The following ZBTB46 variants were observed in gnomAD, a reference collection of about 807,000 sequenced individuals.
ZBTB46 encodes zinc finger and BTB domain-containing protein 46.
Under a neutral mutation model 44.1 loss-of-function variants are expected in ZBTB46, and 8 were observed. The observed-to-expected ratio is 0.18, with a 90% CI of 0.11 to 0.33. The LOEUF is 0.33. Among genes scored for constraint, ZBTB46 ranks in the 10% least tolerant of loss-of-function variants. ZBTB46 has a pLI of 1.00. For missense variants in ZBTB46, 651 were observed against 847.7 expected, an observed-to-expected ratio of 0.77 and a Z score of 2.88; for synonymous variants, 409 against 382.3, an observed-to-expected ratio of 1.07 and a Z score of -0.81.
rs2092529718 is a variant in ZBTB46, at chr20:63,787,983, C to G, written c.937+1838G>C. 1 of 152,326 alleles carries G rather than the reference C, an allele frequency of 6.6e-6. No homozygotes were observed. Among genetic ancestry groups the G allele is most frequent in the Admixed American group, 6.5e-5 (1 of 15,286 alleles). The allele number at this position is 152,326 out of a possible 1,614,324, so 9.4% of individuals were successfully genotyped here. A position where few individuals can be genotyped will look rare whatever the true frequency, so the allele number is the denominator to read the frequency against. ...CACACACGGCATCTGCGACATTTTT[C>G]AGGGCCTCCCACCCTGCGGCTTGCT... On this transcript the variant is annotated intron_variant, in intron 2 of 4. Coordinates refer to ENST00000245663, the MANE Select transcript of ZBTB46 (RefSeq NM_001369741.1). The surrounding 1 kb of genome is among the most constrained non-coding windows in gnomAD (Gnocchi z 4.6).
At chr20:63,800,141 C>T (rs1426424283) in intron 1 of ZBTB46, among the ~76,000 whole-genome samples, 1 of 152,152 alleles carries the variant, frequency 6.6e-6, no homozygotes, top group Non-Finnish European at 1.5e-5. Flanking sequence ...GTCCCGGCCT[C>T]GGCACCCTGG....
intron 1 of ZBTB46, among the ~76,000 whole-genome samples, chr20:63,800,754 C>T (rs1374181819): frequency 3.3e-5 from 5 of 152,352 alleles, no homozygotes; most frequent in Middle Eastern, 3.4e-3. Flanking sequence ...GATTTCTCGC[C>T]GGCCCTAGCT....
chr20:63,793,491 C>T (rs1206074001), intron 1 of ZBTB46, among the ~76,000 whole-genome samples: 4 of 152,160 alleles, frequency 2.6e-5, no homozygotes, highest in African/African-American at 4.8e-5. Context: ...CTCCGGGCCA[C>T]GTGATGGGAA....
In ZBTB46 at chr20:63,803,294, G is replaced by A; in HGVS notation, c.-33-12504C>T. 3.0e-6 allele frequency: 3 copies of A among 984,292 alleles called. No individual in the cohort carries two copies. The highest frequency in any genetic ancestry group is 3.6e-6 in the Non-Finnish European group (3 of 828,856). 61.0% of individuals were successfully genotyped at this position (984,292 alleles called of 1,614,324 possible). On this transcript the variant is annotated intron_variant, in intron 1 of 4. Transcript: ENST00000245663. The surrounding 1 kb of genome is among the most constrained non-coding windows in gnomAD (Gnocchi z 4.0). ...AAATTAAGGTTAAGACATGAATACT[G>A]TGAAACTGTCGTACAAATTAAATTT... is the stretch of plus-strand genomic sequence containing the variant.
intron 1 of ZBTB46, chr20:63,808,092 C>CTTCCCACA (rs1601516432): frequency 2.0e-5 from 3 of 152,782 alleles, no homozygotes; most frequent in African/African-American, 7.3e-5. Flanking sequence ...CTGAACGGAC[C>CTTCCCACA]GACGGAGGTG....
Position 63,805,514 on chromosome 20 carries a change from G to A in ZBTB46, c.-33-14724C>T, listed in dbSNP as rs144907854. ...GAGGAGAGAAGGTCATGTGACCACA[G>A]GCAGAAACTGGAGTGACAAAGTCAC... On this transcript the variant is annotated intron_variant, in intron 1 of 4. Coordinates refer to ENST00000245663, the MANE Select transcript of ZBTB46 (RefSeq NM_001369741.1). 3.5e-3 allele frequency among the ~76,000 whole-genome samples: 533 copies of A among 152,234 alleles called. 1 individual carries two copies. Among genetic ancestry groups the A allele is most frequent in the Non-Finnish European group, 5.9e-3 (400 of 68,002 alleles).
chr20:63,750,961 A>G (rs117873573), intron 4 of ZBTB46, among the ~76,000 whole-genome samples: 5 of 152,288 alleles, frequency 3.3e-5, no homozygotes, highest in African/African-American at 4.8e-5. Context: ...AGGCAGCCAC[A>G]CTGAACCTCA....
Position 63,790,135 on chromosome 20 carries a change from G to A in ZBTB46, c.623C>T (p.Pro208Leu), listed in dbSNP as rs1310696637. 5.6e-6 allele frequency: 9 copies of A among 1,613,884 alleles called. No individual in the cohort carries two copies. The highest frequency in any genetic ancestry group is 1.3e-5 in the African/African-American group (1 of 74,952). ...TAGAGGCTGTGAAGAAACATCATCA[G>A]GGCCATCGGCCTTGGGCTCCTGATC... ...KEDQEPKADG[P>L]DDVSSQPLWP... The change falls in exon 2 of 5, where the codon CCT becomes CTT. Residue 208 changes from proline (P) to leucine (L), a missense_variant. Pro to Leu is a moderately conservative substitution (Grantham distance 98). Transcript: ENST00000245663.
intron 3 of ZBTB46, among the ~76,000 whole-genome samples, chr20:63,772,723 AC>A (rs2092385552): frequency 1.6e-4 from 1 of 6,366 alleles, no homozygotes; most frequent in African/African-American, 9.3e-4. Flanking sequence ...TGTCTCAAAA[AC>A]ACACACACAC....
In ZBTB46 at chr20:63,767,728, A is replaced by G. The variant is rs1051138798; in HGVS notation, c.1222+7950T>C. On this transcript the variant is annotated intron_variant, in intron 3 of 4. Coordinates refer to ENST00000245663, the MANE Select transcript of ZBTB46 (RefSeq NM_001369741.1). The surrounding 1 kb of genome is among the most constrained non-coding windows in gnomAD (Gnocchi z 5.0). ...TGTCACTTGCTTCACAGAGCTCCTT[A>G]GCTGGCCTCAGGGTAAAGCTGTCAG... Among the ~76,000 whole-genome samples the G allele has an allele frequency of 1.3e-5, 2 of 152,244 alleles. No homozygotes were observed. The highest frequency in any genetic ancestry group is 4.8e-5 in the African/African-American group (2 of 41,458).
chr20:63,827,697 T>C (rs944226684), intron 1 of ZBTB46, among the ~76,000 whole-genome samples: 2 of 152,150 alleles, frequency 1.3e-5, no homozygotes, highest in African/African-American at 4.8e-5. Context: ...CAACTTTCTA[T>C]TGTAAAATAG....
At chr20:63,792,417 T>C (rs1479331450) in intron 1 of ZBTB46, among the ~76,000 whole-genome samples, 1 of 125,600 alleles carries the variant, frequency 8.0e-6, no homozygotes, top group African/African-American at 3.4e-5. Context: ...GCAGCCCTCA[T>C]GGGGGACGGG....
intron 1 of ZBTB46, among the ~76,000 whole-genome samples, chr20:63,802,817 G>A (rs1356427217): frequency 6.8e-6 from 1 of 147,546 alleles, no homozygotes; most frequent in Admixed American, 6.8e-5. Flanking sequence ...CAGGCCCCCA[G>A]CACCCTCCCA....
intron 2 of ZBTB46, among the ~76,000 whole-genome samples, chr20:63,788,656 T>C (rs2092535044): frequency 6.6e-6 from 1 of 151,784 alleles, no homozygotes; most frequent in Non-Finnish European, 1.5e-5. Context: ...CTGGCCAACA[T>C]GGTGAAACCC....
chr20:63,811,816 A>G (rs761867013), intron 1 of ZBTB46, among the ~76,000 whole-genome samples: 3 of 152,238 alleles, frequency 2.0e-5, no homozygotes, highest in Non-Finnish European at 4.4e-5. Flanking sequence ...ACTCTGCCAT[A>G]AGACAAAATG....
rs1394234309 is a variant in ZBTB46, at chr20:63,824,631, G to A, written c.-34+6466C>T. 5.2e-5 allele frequency among the ~76,000 whole-genome samples: 5 copies of A among 96,158 alleles called. No individual in the cohort carries two copies. In the East Asian group the frequency reaches 1.2e-3, roughly 22 times the overall value. 63.1% of individuals were successfully genotyped at this position (96,158 alleles called of 152,430 possible). A position where few individuals can be genotyped will look rare whatever the true frequency, so the allele number is the denominator to read the frequency against. ...ACACTTACCGCCTTCCCCCACCCCC[G>A]TTCTTCTGGGTGCTCTGAGAGGTGA... On this transcript the variant is annotated intron_variant, in intron 1 of 4. Coordinates refer to ENST00000245663, the MANE Select transcript of ZBTB46 (RefSeq NM_001369741.1).
At chr20:63,762,846 G>C (rs62217846) in intron 3 of ZBTB46, among the ~76,000 whole-genome samples, 77,114 of 151,394 alleles carry the variant, frequency 0.51, 20,497 homozygotes, top group African/African-American at 0.65. Flanking sequence ...GTGTTTGCTT[G>C]ATTCATCTTT....
chr20:63,823,179 CATAAAA>C (rs1230861514), intron 1 of ZBTB46, among the ~76,000 whole-genome samples: 3 of 150,516 alleles, frequency 2.0e-5, no homozygotes, highest in Non-Finnish European at 4.4e-5. Context: ...AAAATACATA[CATAAAA>C]TAAAAATAAA....
chr20:63,774,490 T>C (rs2092403504), intron 3 of ZBTB46, among the ~76,000 whole-genome samples: 1 of 152,126 alleles, frequency 6.6e-6, no homozygotes, highest in Non-Finnish European at 1.5e-5. Context: ...TCAGCACGCC[T>C]GGACCCCAGC....
Sources: allele counts gnomAD v4.1 joint callset (sites outside exome capture counted in the v4.1 genomes callset), GRCh38; gene constraint gnomAD v4.1.1; non-coding constraint Gnocchi (gnomAD v3.1); transcripts MANE v1.5; gene names NCBI Gene and HGNC (gene_info 2026-07-23, HGNC 2026-07-21).